Variants in UBE2N observed in about 807,000 individuals in gnomAD.
UBE2N encodes ubiquitin conjugating enzyme E2 N, also known as ubiquitin-conjugating enzyme E2 N.
For missense variants in UBE2N, 60 were observed against 192.1 expected (o/e 0.31, Z 4.07); for synonymous variants, 70 against 69.2 (o/e 1.01, Z -0.06).
intron 1 of UBE2N, among the ~76,000 whole-genome samples, chr12:93,437,424 G>A (rs965741765): frequency 6.6e-6 from 1 of 151,938 alleles, no homozygotes; most frequent in East Asian, 1.9e-4. Context: ...AGGGAATCAA[G>A]GTATTTGCAT....
intron 1 of UBE2N, among the ~76,000 whole-genome samples, chr12:93,437,224 T>A (rs1360548328): frequency 6.6e-6 from 1 of 151,916 alleles, no homozygotes; most frequent in Non-Finnish European, 1.5e-5. Context: ...ATGTCTGTAA[T>A]CCCAGATACT....
chr12:93,419,724 T>G (rs949542658), intron 1 of UBE2N, among the ~76,000 whole-genome samples: 2 of 152,210 alleles, frequency 1.3e-5, no homozygotes, highest in Non-Finnish European at 2.9e-5. Flanking sequence ...TTTTTAAACT[T>G]ACATTATATG....
intron 1 of UBE2N, among the ~76,000 whole-genome samples, chr12:93,434,751 C>A (rs914559095): frequency 6.6e-6 from 1 of 152,086 alleles, no homozygotes; most frequent in African/African-American, 2.4e-5. Context: ...AGGAAGAGGT[C>A]AGAAAATTCT....
chr12:93,441,748 G>T, intron 1 of UBE2N, 107 bp downstream of exon 1: 1 of 1,462,186 alleles, frequency 6.8e-7, no homozygotes. Context: ...GCCGCCTCGG[G>T]CCTCCCAGAG....
At chr12:93,429,420 G>GCATA (rs1261687373) in intron 1 of UBE2N, 8 of 324,844 alleles carry the variant, frequency 2.5e-5, no homozygotes, top group Admixed American at 1.8e-4. Context: ...ACAGTCATGC[G>GCATA]CTGTATGAGT....
intron 1 of UBE2N, among the ~76,000 whole-genome samples, chr12:93,411,967 C>T (rs562393998): frequency 1.4e-4 from 21 of 152,210 alleles, no homozygotes; most frequent in African/African-American, 4.8e-4. Flanking sequence ...GCTGAGATTA[C>T]AGGTATGGGC....
chr12:93,428,883 A>G (rs1878667932), intron 1 of UBE2N, among the ~76,000 whole-genome samples: 1 of 152,232 alleles, frequency 6.6e-6, no homozygotes, highest in African/African-American at 2.4e-5. Flanking sequence ...AAGCACAGTC[A>G]GTGCTGGCCC....
chr12:93,424,958 C>T (rs992067839), intron 1 of UBE2N, among the ~76,000 whole-genome samples: 1 of 152,106 alleles, frequency 6.6e-6, no homozygotes, highest in African/African-American at 2.4e-5. Context: ...AACTTTGTTT[C>T]GTTTATGAAA....
intron 1 of UBE2N, among the ~76,000 whole-genome samples, chr12:93,422,292 C>T (rs1878438669): frequency 6.6e-6 from 1 of 152,040 alleles, no homozygotes; most frequent in Non-Finnish European, 1.5e-5. Context: ...CATAACACTT[C>T]ATTGCCTGAA....
At chr12:93,421,634 T>C (rs1299565794) in intron 1 of UBE2N, among the ~76,000 whole-genome samples, 1 of 151,900 alleles carries the variant, frequency 6.6e-6, no homozygotes, top group South Asian at 2.1e-4. Flanking sequence ...ATGTCATAAA[T>C]TTTTTTTTCT....
intron 1 of UBE2N, among the ~76,000 whole-genome samples, chr12:93,435,852 T>C (rs1274509919): frequency 1.3e-5 from 2 of 151,984 alleles, no homozygotes; most frequent in Non-Finnish European, 2.9e-5. Context: ...GAGTAAATTT[T>C]TCCACTGCAC....
At chr12:93,413,772 C>T (rs527542727) in intron 1 of UBE2N, among the ~76,000 whole-genome samples, 1 of 152,318 alleles carries the variant, frequency 6.6e-6, no homozygotes, top group African/African-American at 2.4e-5. Flanking sequence ...ACCATCAGCT[C>T]TGACCTGGCA....
At chr12:93,419,827 T>C (rs1161701366) in intron 1 of UBE2N, among the ~76,000 whole-genome samples, 1 of 152,142 alleles carries the variant, frequency 6.6e-6, no homozygotes, top group African/African-American at 2.4e-5. Flanking sequence ...GTAAATAAAA[T>C]GAAAATAGCT....
chr12:93,435,555 G>A (rs1439993983), intron 1 of UBE2N, among the ~76,000 whole-genome samples: 1 of 152,212 alleles, frequency 6.6e-6, no homozygotes, highest in African/African-American at 2.4e-5. Context: ...GAACCTGGGA[G>A]GCAGAGGTTG....
chr12:93,429,269 CAA>C (rs748950148), intron 1 of UBE2N: 2,012 of 290,446 alleles, frequency 6.9e-3, no homozygotes, highest in South Asian at 0.01. Flanking sequence ...GACTCTGTCT[CAA>C]AAAAAAAAAA....
chr12:93,416,117 C>G (rs1878199423), intron 1 of UBE2N, among the ~76,000 whole-genome samples: 1 of 152,162 alleles, frequency 6.6e-6, no homozygotes, highest in South Asian at 2.1e-4. Flanking sequence ...GACACAAAAA[C>G]ATGCATAATT....
In UBE2N at chr12:93,416,920, G is replaced by GAAA. The variant is rs1337325922; in HGVS notation, c.31-5624_31-5622dup. 3.4e-5 allele frequency among the ~76,000 whole-genome samples: 5 copies of GAAA among 148,166 alleles called. No homozygotes were observed. In the East Asian group the frequency reaches 1.0e-3, roughly 30 times the overall value. On this transcript the variant is annotated intron_variant, in intron 1 of 3. Coordinates refer to ENST00000318066, the MANE Select transcript of UBE2N (RefSeq NM_003348.4). ...CATAGGAAGGCCATAGTTGTTTACA[G>GAAA]AAAAACAGAATAACCCTTAAATGAA...
intron 1 of UBE2N, among the ~76,000 whole-genome samples, chr12:93,412,747 G>A (rs916230351): frequency 6.6e-6 from 1 of 152,202 alleles, no homozygotes; most frequent in African/African-American, 2.4e-5. Context: ...AACAAAGGAA[G>A]GAGGAAGTAA....
At chr12:93,425,735 G>A (rs1426964306) in intron 1 of UBE2N, among the ~76,000 whole-genome samples, 1 of 152,148 alleles carries the variant, frequency 6.6e-6, no homozygotes, top group Admixed American at 6.5e-5. Flanking sequence ...ACTCCAAACC[G>A]AATCTTTACA....
Sources: gnomAD v4.1 joint callset for allele counts (sites outside exome capture counted in the v4.1 genomes callset) on GRCh38, gnomAD v4.1.1 for gene constraint, MANE v1.5 for transcripts, NCBI Gene and HGNC (gene_info 2026-07-23, HGNC 2026-07-21) for gene names.